The following STK31 variants were observed in gnomAD, a reference collection of about 807,000 sequenced individuals.
STK31 encodes serine/threonine kinase 31.
Under a neutral mutation model 129.7 loss-of-function variants are expected in STK31, and 89 were observed. The ratio of observed to expected loss-of-function variants is 0.69; its 90% confidence interval spans 0.58 to 0.82. The LOEUF (loss-of-function observed/expected upper bound fraction) is 0.82. STK31 is among the 40% of genes least tolerant of loss of function. STK31 has a pLI of 0.00. For synonymous variants in STK31, 448 were observed against 395.3 expected (o/e 1.13, Z -1.58); for missense variants, 1,187 against 1,176.4 (o/e 1.01, Z -0.13).
Position 23,821,362 on chromosome 7 carries a change from C to G in STK31, c.2829+6150C>G, listed in dbSNP as rs184461973. Among the ~76,000 whole-genome samples, 115 of 152,152 alleles carry G rather than the reference C, an allele frequency of 7.6e-4. No homozygotes were observed. In the Middle Eastern group the frequency reaches 0.01, roughly 14 times the overall value. On this transcript the variant is annotated intron_variant, in intron 23 of 23. Transcript: ENST00000355870. ...ATTTTTTAAAATAGTGGCATTCTAGCTGATGTAAAATGATACTTCATTGTG... is the reference window on the plus strand; with the variant it reads ...ATTTTTTAAAATAGTGGCATTCTAGGTGATGTAAAATGATACTTCATTGTG...
At chr7:23,765,826 C>T (rs62468640) in intron 11 of STK31, among the ~76,000 whole-genome samples, 38,289 of 152,040 alleles carry the variant, frequency 0.25, 5,200 homozygotes, top group East Asian at 0.39. Context: ...GGATTACAGG[C>T]GTGAGCCACT....
At chr7:23,715,408 A>G (rs1187529832) in intron 3 of STK31, among the ~76,000 whole-genome samples, 2 of 151,196 alleles carry the variant, frequency 1.3e-5, no homozygotes, top group East Asian at 1.9e-4. Context: ...GCCTGAGCCC[A>G]GGAGTTTGAG....
intron 8 of STK31, among the ~76,000 whole-genome samples, chr7:23,743,035 C>T (rs922768652): frequency 1.3e-5 from 2 of 151,578 alleles, no homozygotes; most frequent in African/African-American, 4.9e-5. Flanking sequence ...TCTCTGCAAC[C>T]TCCACCTCCC....
chr7:23,786,401 AGATTT>A (rs1791286246), intron 18 of STK31, 102 bp from the exon 19 acceptor site: 1 of 1,148,122 alleles, frequency 8.7e-7, no homozygotes, highest in Admixed American at 3.5e-5. Flanking sequence ...AAATAAAATT[AGATTT>A]GATTTAACTT....
intron 3 of STK31, among the ~76,000 whole-genome samples, chr7:23,715,452 CAAA>C (rs5882910): frequency 1.4e-4 from 18 of 128,388 alleles, no homozygotes; most frequent in African/African-American, 2.0e-4. Flanking sequence ...CTTGTCGCTA[CAAA>C]AAAAAAAAAA....
intron 20 of STK31, among the ~76,000 whole-genome samples, 186 bp from the exon 21 acceptor site, chr7:23,787,783 AACACACACAGG>A (rs1791382753): frequency 9.1e-6 from 1 of 109,602 alleles, no homozygotes; most frequent in African/African-American, 3.6e-5. Context: ...CACACACACA[AACACACACAGG>A]CACACATGGT....
In STK31 at chr7:23,818,674, G is replaced by T. The variant is rs187424815; in HGVS notation, c.2829+3462G>T. On this transcript the variant is annotated intron_variant, in intron 23 of 23. Transcript: ENST00000355870. ...AAATAAAGTCCGAAGTCCCAGGTTG[G>T]AGTGCAGTGGCACGATCTCAGCTCA... is the stretch of plus-strand genomic sequence containing the variant. Among the ~76,000 whole-genome samples the T allele has an allele frequency of 3.9e-3, 578 of 149,662 alleles. 4 individuals carry two copies. The highest frequency in any genetic ancestry group is 0.014 in the African/African-American group (557 of 39,170).
intron 8 of STK31, among the ~76,000 whole-genome samples, chr7:23,740,457 T>C (rs1390743219): frequency 1.3e-5 from 2 of 152,250 alleles, no homozygotes; most frequent in Non-Finnish European, 2.9e-5. Context: ...ATGGTTGTTG[T>C]CTGCAAGCAT....
At chr7:23,815,402 GTTGT>G (rs1327472613) in intron 23 of STK31, among the ~76,000 whole-genome samples, 190 bp downstream of exon 23, 1 of 152,204 alleles carries the variant, frequency 6.6e-6, no homozygotes, top group East Asian at 1.9e-4. Flanking sequence ...ACTCTGCTGG[GTTGT>G]TTGTCACACA....
chr7:23,777,239 C>G (rs1280166371), intron 15 of STK31, among the ~76,000 whole-genome samples: 5 of 152,104 alleles, frequency 3.3e-5, no homozygotes, highest in Admixed American at 3.3e-4. Context: ...TGTTTTACTT[C>G]CAACTGTGTG....
chr7:23,729,517 T>G (rs947851765), intron 6 of STK31, among the ~76,000 whole-genome samples: 76 of 144,252 alleles, frequency 5.3e-4, no homozygotes, highest in Non-Finnish European at 7.5e-4. Flanking sequence ...TTTTGTTTTT[T>G]TTTTTTTTTT....
chr7:23,793,939 A>G (rs1471823799), intron 22 of STK31, among the ~76,000 whole-genome samples: 5 of 152,242 alleles, frequency 3.3e-5, no homozygotes, highest in African/African-American at 1.2e-4. Context: ...TAAATATTGA[A>G]AGAATTTATG....
At chr7:23,827,152 A>T (rs6967818) in intron 23 of STK31, among the ~76,000 whole-genome samples, 17,807 of 152,124 alleles carry the variant, frequency 0.12, 1,280 homozygotes, top group Non-Finnish European at 0.16. Flanking sequence ...CTGCCTTGCT[A>T]GGTTGGGGAA....
intron 8 of STK31, among the ~76,000 whole-genome samples, chr7:23,739,989 G>GT (rs1787959729): frequency 6.6e-6 from 1 of 152,132 alleles, no homozygotes; most frequent in South Asian, 2.1e-4. Flanking sequence ...ATTTAAAGTA[G>GT]TTTTTTCTAG....
intron 15 of STK31, among the ~76,000 whole-genome samples, chr7:23,776,195 A>G (rs1790532187): frequency 6.6e-6 from 1 of 152,254 alleles, no homozygotes; most frequent in African/African-American, 2.4e-5. Flanking sequence ...ATTTTGGTGG[A>G]TAAGCTTTTT....
chr7:23,761,676 G>GGGATTACA (rs1789473728), intron 10 of STK31, among the ~76,000 whole-genome samples: 1 of 151,052 alleles, frequency 6.6e-6, no homozygotes, highest in South Asian at 2.1e-4. Flanking sequence ...CCAAAGTGCT[G>GGGATTACA]GGATTACAGG....
chr7:23,746,806 T>C (rs1254956335), intron 8 of STK31, among the ~76,000 whole-genome samples: 1 of 152,016 alleles, frequency 6.6e-6, no homozygotes, highest in African/African-American at 2.4e-5. Context: ...GATAAATAAG[T>C]TAAATAATTT....
intron 3 of STK31, among the ~76,000 whole-genome samples, chr7:23,712,957 G>C (rs949148815): frequency 2.6e-5 from 4 of 152,150 alleles, no homozygotes; most frequent in Middle Eastern, 3.2e-3. Context: ...ACTCCTTTTG[G>C]TGGGGGGTGA....
chr7:23,735,464 A>T, intron 6 of STK31, 74 bp from the exon 7 acceptor site: 1 of 1,336,788 alleles, frequency 7.5e-7, no homozygotes, highest in East Asian at 2.3e-5. Context: ...TGATGCTTGG[A>T]AAAAATGGGT....
Sources: gnomAD v4.1 joint callset for allele counts (sites outside exome capture counted in the v4.1 genomes callset) on GRCh38, gnomAD v4.1.1 for gene constraint, MANE v1.5 for transcripts, NCBI Gene and HGNC (gene_info 2026-07-23, HGNC 2026-07-21) for gene names.